ZHX2: variants seen among roughly 807,000 people sequenced by gnomAD.
The protein encoded by ZHX2 is zinc fingers and homeoboxes protein 2.
Under a neutral mutation model 21.9 loss-of-function variants are expected in ZHX2, and 6 were observed. That is an observed-to-expected ratio of 0.27 (90% CI 0.15 to 0.54). The LOEUF (loss-of-function observed/expected upper bound fraction) is 0.54. ZHX2 is among the 20% of genes least tolerant of loss of function. The pLI is 0.95. For missense variants in ZHX2, 908 were observed against 1,090.7 expected (o/e 0.83, Z 2.36); for synonymous variants, 434 against 437.1 (o/e 0.99, Z 0.09).
chr8:122,953,857 G>A lies in ZHX2; in HGVS notation c.2347G>A (p.Asp783Asn), dbSNP rs368973670. ...CAGCAGCCGGGACGGCCAGGGTAGC[G>A]ACGAGAACGAGGAGTCGAGCGTTGT... ...EGSSRDGQGSDENEESSVVDY... is the reference protein window; with the variant it reads ...EGSSRDGQGSNENEESSVVDY... The change falls in exon 3 of 4, where the codon GAC becomes AAC. Residue 783 changes from aspartate (D) to asparagine (N), a missense_variant. Coordinates refer to ENST00000314393, the MANE Select transcript of ZHX2 (RefSeq NM_014943.5). This position sits in a 1 kb window ranked among gnomAD's most constrained non-coding sequence, Gnocchi z 4.6. 5.1e-5 allele frequency: 83 copies of A among 1,614,096 alleles called. No individual in the cohort carries two copies. The highest frequency in any genetic ancestry group is 3.2e-4 in the Admixed American group (19 of 60,014).
At chr8:122,871,528 T>G (rs1586346862) in intron 2 of ZHX2, among the ~76,000 whole-genome samples, 2 of 71,488 alleles carry the variant, frequency 2.8e-5, no homozygotes, top group South Asian at 5.3e-4. Context: ...GGGCCTGTTG[T>G]GGGGTGGGGG....
At chr8:122,884,016 C>T (rs1053602090) in intron 2 of ZHX2, among the ~76,000 whole-genome samples, 1 of 152,170 alleles carries the variant, frequency 6.6e-6, no homozygotes, top group African/African-American at 2.4e-5. Flanking sequence ...TCACACAAAC[C>T]TAGATGGTAT....
At chr8:122,941,729 A>C (rs1167969604) in intron 2 of ZHX2, among the ~76,000 whole-genome samples, 1 of 152,154 alleles carries the variant, frequency 6.6e-6, no homozygotes, top group Non-Finnish European at 1.5e-5. Flanking sequence ...GTTTCAGCCC[A>C]ACCAGTTCTG....
chr8:122,885,921 T>C (rs994522946), intron 2 of ZHX2, among the ~76,000 whole-genome samples: 1 of 152,202 alleles, frequency 6.6e-6, no homozygotes, highest in Non-Finnish European at 1.5e-5. Flanking sequence ...CAGACCTTTC[T>C]TCCTCTATAT....
At chr8:122,880,592 T>C (rs1819689234) in intron 2 of ZHX2, among the ~76,000 whole-genome samples, 1 of 151,844 alleles carries the variant, frequency 6.6e-6, no homozygotes, top group Non-Finnish European at 1.5e-5. Context: ...CTGGGCAACA[T>C]GGTGAAATCC....
intron 2 of ZHX2, among the ~76,000 whole-genome samples, chr8:122,934,739 G>GA (rs1363933570): frequency 5.9e-5 from 9 of 151,636 alleles, no homozygotes; most frequent in East Asian, 1.9e-4. Context: ...GCCCAGGCTG[G>GA]GTGCAATGGC....
intron 2 of ZHX2, among the ~76,000 whole-genome samples, chr8:122,950,565 A>T (rs1402453495): frequency 6.6e-6 from 1 of 152,178 alleles, no homozygotes; most frequent in African/African-American, 2.4e-5. Flanking sequence ...CATTCTGCAC[A>T]TGTATCCCAG....
chr8:122,839,795 A>C (rs1367942340), intron 1 of ZHX2, among the ~76,000 whole-genome samples: 1 of 152,192 alleles, frequency 6.6e-6, no homozygotes, highest in Non-Finnish European at 1.5e-5. Flanking sequence ...CAGAAACTCC[A>C]GCAGTTATAC....
At chr8:122,949,579 C>G (rs1177299515) in intron 2 of ZHX2, among the ~76,000 whole-genome samples, 1 of 152,182 alleles carries the variant, frequency 6.6e-6, no homozygotes, top group Non-Finnish European at 1.5e-5. Context: ...AGGCATGGCT[C>G]ACACCCATGA....
At chr8:122,943,000 G>A (rs1409546177) in intron 2 of ZHX2, among the ~76,000 whole-genome samples, 1 of 152,124 alleles carries the variant, frequency 6.6e-6, no homozygotes, top group African/African-American at 2.4e-5. Context: ...GGTGGCTCAT[G>A]CCTGTAATCC....
At chr8:122,797,458 A>G (rs1047242245) in intron 1 of ZHX2, among the ~76,000 whole-genome samples, 1 of 152,242 alleles carries the variant, frequency 6.6e-6, no homozygotes, top group African/African-American at 2.4e-5. Context: ...GTTTCTGCAC[A>G]GAGAACCCTG....
At chr8:122,846,061 C>T (rs925557157) in intron 1 of ZHX2, among the ~76,000 whole-genome samples, 5 of 151,138 alleles carry the variant, frequency 3.3e-5, no homozygotes, top group African/African-American at 1.2e-4. Context: ...GGGCAGTGCC[C>T]GTGGAGGTAA....
chr8:122,837,466 G>T (rs1447794902), intron 1 of ZHX2, among the ~76,000 whole-genome samples: 3 of 152,094 alleles, frequency 2.0e-5, no homozygotes, highest in African/African-American at 7.2e-5. Context: ...TACCCCTACA[G>T]GTTTCAAACA....
At chr8:122,956,467 G>C (rs552739669) in intron 3 of ZHX2, among the ~76,000 whole-genome samples, 20 of 152,286 alleles carry the variant, frequency 1.3e-4, no homozygotes, top group African/African-American at 4.6e-4. Context: ...CTAGGTAGGG[G>C]GTTAGGGAGC....
chr8:122,922,883 T>C (rs145549205), intron 2 of ZHX2, among the ~76,000 whole-genome samples: 5 of 152,306 alleles, frequency 3.3e-5, no homozygotes, highest in Admixed American at 3.3e-4. Context: ...TATTGTGTAA[T>C]AGAGATTCTT....
chr8:122,905,548 G>A (rs1820327032), intron 2 of ZHX2, among the ~76,000 whole-genome samples: 1 of 152,174 alleles, frequency 6.6e-6, no homozygotes, highest in Non-Finnish European at 1.5e-5. Flanking sequence ...GAAAGGAAAT[G>A]ATAGAAGGAT....
At chr8:122,809,085 G>A (rs1172740971) in intron 1 of ZHX2, 1 of 152,244 alleles carries the variant, frequency 6.6e-6, no homozygotes, top group East Asian at 1.9e-4. Flanking sequence ...GAGGTTCTTG[G>A]AAAGGAATGG....
chr8:122,949,074 C>A (rs181606531), intron 2 of ZHX2, among the ~76,000 whole-genome samples: 70 of 152,304 alleles, frequency 4.6e-4, no homozygotes, highest in Non-Finnish European at 6.8e-4. Flanking sequence ...CCTGTAATCC[C>A]AGCACTTTGG....
chr8:122,938,267 T>C (rs1005970099), intron 2 of ZHX2, among the ~76,000 whole-genome samples: 2 of 152,128 alleles, frequency 1.3e-5, no homozygotes, highest in Non-Finnish European at 2.9e-5. Context: ...ATTCTGACTT[T>C]GTTAAGCTTT....
Sources: gnomAD v4.1 joint callset for allele counts (sites outside exome capture counted in the v4.1 genomes callset) on GRCh38, gnomAD v4.1.1 for gene constraint, Gnocchi (gnomAD v3.1) non-coding constraint, MANE v1.5 for transcripts, NCBI Gene and HGNC (gene_info 2026-07-23, HGNC 2026-07-21) for gene names.